Variants in ADGRB3 observed in about 807,000 individuals in gnomAD.
ADGRB3 encodes brain-specific angiogenesis inhibitor 3.
ADGRB3 carries 37 observed loss-of-function variants against 193.4 expected under a neutral mutation model. The ratio of observed to expected loss-of-function variants is 0.19; its 90% CI spans 0.15 to 0.25. ADGRB3 has a LOEUF of 0.25. Among genes scored for constraint, ADGRB3 ranks in the 10% least tolerant of loss-of-function variants. The pLI is 1.00. For synonymous variants in ADGRB3, 690 were observed against 644.2 expected, an observed-to-expected ratio of 1.07 and a Z score of -1.08; for missense variants, 1,637 against 1,852.9, an observed-to-expected ratio of 0.88 and a Z score of 2.14.
intron 13 of ADGRB3, among the ~76,000 whole-genome samples, chr6:69,028,490 G>C (rs1011645014): frequency 2.0e-5 from 3 of 151,958 alleles, no homozygotes; most frequent in Non-Finnish European, 4.4e-5. Flanking sequence ...TTATAACCCT[G>C]GACTTTAATG....
At chr6:69,056,031 A>G (rs1771536885) in intron 15 of ADGRB3, among the ~76,000 whole-genome samples, 1 of 151,810 alleles carries the variant, frequency 6.6e-6, no homozygotes, top group Non-Finnish European at 1.5e-5. Flanking sequence ...AGATTTCCCC[A>G]TGTTGGCCAG....
At chr6:69,031,744 C>T (rs553936182) in intron 13 of ADGRB3, among the ~76,000 whole-genome samples, 17 of 151,534 alleles carry the variant, frequency 1.1e-4, no homozygotes, top group Non-Finnish European at 2.2e-4. Flanking sequence ...AAGTGATACT[C>T]CTGCCTCAGC....
intron 3 of ADGRB3, among the ~76,000 whole-genome samples, chr6:68,896,392 G>A (rs1419303539): frequency 6.6e-6 from 1 of 152,010 alleles, no homozygotes; most frequent in Admixed American, 6.6e-5. Context: ...CTCAATATAA[G>A]ACTATTCTCA....
intron 17 of ADGRB3, among the ~76,000 whole-genome samples, chr6:69,165,118 C>A (rs898704147): frequency 1.3e-5 from 2 of 152,026 alleles, no homozygotes; most frequent in African/African-American, 2.4e-5. Context: ...AACCTGATCC[C>A]ATTTGAAATC....
intron 20 of ADGRB3, among the ~76,000 whole-genome samples, chr6:69,294,692 C>T (rs1767770237): frequency 6.6e-6 from 1 of 152,124 alleles, no homozygotes; most frequent in Non-Finnish European, 1.5e-5. Context: ...GAAATGTTCA[C>T]ATTTGGTTTC....
At chr6:68,799,686 G>A (rs1767276479) in intron 3 of ADGRB3, among the ~76,000 whole-genome samples, 1 of 152,168 alleles carries the variant, frequency 6.6e-6, no homozygotes, top group Admixed American at 6.5e-5. Flanking sequence ...TAAAGCACAT[G>A]AGGAAATAGA....
intron 3 of ADGRB3, among the ~76,000 whole-genome samples, chr6:68,779,956 T>C (rs548971656): frequency 6.6e-6 from 1 of 152,266 alleles, no homozygotes; most frequent in South Asian, 2.1e-4. Context: ...GAGTGTATTT[T>C]TCTTTGAAAA....
chr6:68,771,379 AATAT>A (rs955112209), intron 3 of ADGRB3, among the ~76,000 whole-genome samples: 1 of 74,662 alleles, frequency 1.3e-5, no homozygotes, highest in African/African-American at 6.1e-5. Context: ...TGTGCTAGGG[AATAT>A]ATACACACAC....
chr6:68,793,888 C>A (rs1332382875), intron 3 of ADGRB3, among the ~76,000 whole-genome samples: 1 of 152,112 alleles, frequency 6.6e-6, no homozygotes, highest in Non-Finnish European at 1.5e-5. Context: ...ATATAAGTTA[C>A]AAACTCAGTC....
intron 20 of ADGRB3, among the ~76,000 whole-genome samples, chr6:69,249,915 A>G (rs145330723): frequency 4.7e-4 from 72 of 152,350 alleles, no homozygotes; most frequent in African/African-American, 1.6e-3. Context: ...ATGAAATTCA[A>G]AGTAAGTAAA....
intron 3 of ADGRB3, among the ~76,000 whole-genome samples, chr6:68,804,359 G>A (rs531116917): frequency 1.3e-3 from 202 of 152,252 alleles, no homozygotes; most frequent in African/African-American, 4.8e-3. Flanking sequence ...TTCCCTAATT[G>A]TGACATGGAG....
intron 17 of ADGRB3, among the ~76,000 whole-genome samples, chr6:69,213,063 A>G (rs1169329542): frequency 6.6e-6 from 1 of 152,190 alleles, no homozygotes; most frequent in Non-Finnish European, 1.5e-5. Context: ...TAGATGAAGT[A>G]TTCATTTTAT....
At chr6:69,070,388 G>C (rs770332947) in intron 16 of ADGRB3, among the ~76,000 whole-genome samples, 4 of 152,052 alleles carry the variant, frequency 2.6e-5, no homozygotes, top group Non-Finnish European at 5.9e-5. Flanking sequence ...GAGAGGTTTT[G>C]ATATATGTTT....
rs188857165 is a variant in ADGRB3, at chr6:69,226,790, C to T, written c.2481-6500C>T. Among the ~76,000 whole-genome samples the T allele has an allele frequency of 9.1e-3, 1,390 of 152,334 alleles. 63 individuals are homozygous for T. Among genetic ancestry groups the T allele is most frequent in the Admixed American group, 0.079 (1,215 of 15,290 alleles). On this transcript the variant is annotated intron_variant, in intron 17 of 31. Transcript: ENST00000370598. ...GGGGCTGGTTAATTGCGTATAACCT[C>T]ACTAACATGTCTAGTGGCTGGTGCC...
Position 68,690,590 on chromosome 6 carries a change from T to C in ADGRB3, c.757+51158T>C, listed in dbSNP as rs537135687. On this transcript the variant is annotated intron_variant, in intron 3 of 31. Transcript: ENST00000370598. ...TGACTACTATCCATTCTCCTGGGGT[T>C]ATGGAAAGAACACAAAGTTTGACTT... Among the ~76,000 whole-genome samples, 6 of 152,254 alleles carry C rather than the reference T, an allele frequency of 3.9e-5. No individual in the cohort carries two copies. In the South Asian group the frequency reaches 1.2e-3, roughly 32 times the overall value.
intron 17 of ADGRB3, among the ~76,000 whole-genome samples, chr6:69,106,164 TAAAA>T (rs61114782): frequency 3.0e-4 from 27 of 91,078 alleles, no homozygotes; most frequent in African/African-American, 7.5e-4. Flanking sequence ...GAGACTGCGT[TAAAA>T]AAAAAAAAAA....
chr6:68,956,158 A>G lies in ADGRB3; in HGVS notation c.1330A>G (p.Ser444Gly). The change falls in exon 7 of 32, where the codon AGC becomes GGC. Residue 444 changes from serine (S) to glycine (G), a missense_variant. Ser to Gly is a moderately conservative substitution (Grantham distance 56). Transcript: ENST00000370598. ...CGAATGCAGAGGGCCATGGGCAGAA[A>G]GCAGAGAGTGCTATAACCCTGAATG... ...GSECRGPWAESRECYNPECTA... is the reference protein window; with the variant it reads ...GSECRGPWAEGRECYNPECTA... 6.2e-7 allele frequency: 1 copy of G among 1,613,820 alleles called. No homozygotes were observed. The highest frequency in any genetic ancestry group is 1.1e-5 in the South Asian group (1 of 91,054).
chr6:68,719,175 C>T (rs1421894604), intron 3 of ADGRB3, among the ~76,000 whole-genome samples: 6 of 151,570 alleles, frequency 4.0e-5, no homozygotes, highest in Non-Finnish European at 7.4e-5. Context: ...TTTTTCTATT[C>T]CTGCCTTAGT....
At chr6:68,834,319 A>C (rs2127385012) in intron 3 of ADGRB3, among the ~76,000 whole-genome samples, 1 of 152,074 alleles carries the variant, frequency 6.6e-6, no homozygotes, top group South Asian at 2.1e-4. Flanking sequence ...GATCAGCACA[A>C]GGCTAATAAC....
Sources: allele counts gnomAD v4.1 joint callset (sites outside exome capture counted in the v4.1 genomes callset), GRCh38; gene constraint gnomAD v4.1.1; transcripts MANE v1.5; gene names NCBI Gene and HGNC (gene_info 2026-07-23, HGNC 2026-07-21).